CEP128: variants seen among roughly 807,000 people sequenced by gnomAD.
CEP128 encodes centrosomal protein 128kDa.
Under a neutral mutation model 156.7 loss-of-function variants are expected in CEP128, and 132 were observed. That is an observed-to-expected ratio of 0.84 (90% CI 0.73 to 0.97). The LOEUF (loss-of-function observed/expected upper bound fraction) is 0.97, where lower values mean the gene tolerates loss of function less well. Among genes scored for constraint, CEP128 ranks in the 50% least tolerant of loss-of-function variants. The pLI is 0.00. For synonymous variants in CEP128, 469 were observed against 448.9 expected (o/e 1.04, Z -0.57); for missense variants, 1,252 against 1,281.9 (o/e 0.98, Z 0.36).
At chr14:80,547,672 C>T (rs1890041915) in intron 21 of CEP128, among the ~76,000 whole-genome samples, 1 of 152,072 alleles carries the variant, frequency 6.6e-6, no homozygotes, top group African/African-American at 2.4e-5. Flanking sequence ...ATATCTCATA[C>T]ATAATATAAT....
chr14:80,610,021 C>T (rs758583859), intron 19 of CEP128, among the ~76,000 whole-genome samples: 1 of 152,080 alleles, frequency 6.6e-6, no homozygotes, highest in Admixed American at 6.6e-5. Context: ...TATGATTATG[C>T]TATGTGTGTG....
intron 19 of CEP128, among the ~76,000 whole-genome samples, chr14:80,729,505 TATAATTTC>T (rs1898183304): frequency 6.6e-6 from 1 of 152,172 alleles, no homozygotes; most frequent in African/African-American, 2.4e-5. Flanking sequence ...TCTTTTTTCA[TATAATTTC>T]ATAATCTTCA....
chr14:80,700,523 A>AC (rs373558907), intron 19 of CEP128, among the ~76,000 whole-genome samples: 112 of 150,610 alleles, frequency 7.4e-4, no homozygotes, highest in African/African-American at 1.6e-3. Context: ...TTATTCATTG[A>AC]CCCCCCCCAA....
At chr14:80,496,467 C>A (rs1887498941), downstream of CEP128, 1 of 152,604 alleles carries the variant, frequency 6.6e-6, no homozygotes, top group Non-Finnish European at 1.5e-5. Flanking sequence ...CTTTAACAAA[C>A]ACAAAATGTA....
At chr14:80,823,022 G>C (rs1885274221) in intron 13 of CEP128, among the ~76,000 whole-genome samples, 1 of 152,178 alleles carries the variant, frequency 6.6e-6, no homozygotes, top group Admixed American at 6.5e-5. Context: ...TTCTGGTTTT[G>C]AGAGACTTCC....
intron 20 of CEP128, among the ~76,000 whole-genome samples, chr14:80,562,590 A>G (rs1263405531): frequency 6.6e-6 from 1 of 151,754 alleles, no homozygotes; most frequent in Non-Finnish European, 1.5e-5. Flanking sequence ...TATATAAAAA[A>G]TTATGCTACT....
intron 8 of CEP128, among the ~76,000 whole-genome samples, chr14:80,871,967 T>G (rs1171057491): frequency 6.6e-6 from 1 of 152,160 alleles, no homozygotes; most frequent in African/African-American, 2.4e-5. Context: ...AAAGTCCACT[T>G]AAATAAATAT....
At chr14:80,534,417 C>T (rs1461223928) in intron 21 of CEP128, among the ~76,000 whole-genome samples, 1 of 152,138 alleles carries the variant, frequency 6.6e-6, no homozygotes, top group Admixed American at 6.5e-5. Flanking sequence ...CATGTTAATT[C>T]CCAGGGCAAA....
chr14:80,597,950 C>CAAAAAAAAAAAAAAAA (rs34001813), intron 19 of CEP128, among the ~76,000 whole-genome samples: 4 of 80,144 alleles, frequency 5.0e-5, no homozygotes, highest in African/African-American at 1.0e-4. Context: ...TCCTCAGCTA[C>CAAAAAAAAAAAAAAAA]AAAAAAAAAA....
intron 13 of CEP128, among the ~76,000 whole-genome samples, chr14:80,821,424 C>T (rs327453): frequency 0.012 from 1,781 of 152,184 alleles, 48 homozygotes; most frequent in African/African-American, 0.041. Flanking sequence ...GGAACATTAC[C>T]GCATTTGTTT....
chr14:80,597,948 TACA>T (rs1892405644), intron 19 of CEP128, among the ~76,000 whole-genome samples: 1 of 26,642 alleles, frequency 3.8e-5, no homozygotes, highest in Non-Finnish European at 7.0e-5. Flanking sequence ...ATTCCTCAGC[TACA>T]AAAAAAAAAA....
chr14:80,815,768 C>A (rs527432142), intron 13 of CEP128, among the ~76,000 whole-genome samples: 88 of 152,298 alleles, frequency 5.8e-4, no homozygotes, highest in African/African-American at 2.1e-3. Flanking sequence ...GAAATCATGT[C>A]TTTTGCAACA....
intron 2 of CEP128, among the ~76,000 whole-genome samples, chr14:80,954,718 C>T (rs1886563856): frequency 6.6e-6 from 1 of 152,192 alleles, no homozygotes; most frequent in South Asian, 2.1e-4. Flanking sequence ...AGGAAATAGG[C>T]ACAATCTGAT....
rs544022339 is a variant in CEP128, at chr14:80,523,817, A to G, written c.3072+3052T>C. Reference sequence around the variant, plus strand: ...ATGTCATATAATGTGTAAAGGAAGAAGTAGATTAGTAATTTCTTCTTCCTC... The same window carrying G: ...ATGTCATATAATGTGTAAAGGAAGAGGTAGATTAGTAATTTCTTCTTCCTC... On this transcript the variant is annotated intron_variant, in intron 23 of 24. Coordinates refer to ENST00000555265, the MANE Select transcript of CEP128 (RefSeq NM_152446.5). 2.0e-5 allele frequency among the ~76,000 whole-genome samples: 3 copies of G among 152,320 alleles called. No homozygotes were observed. In the East Asian group the frequency reaches 5.8e-4, roughly 29 times the overall value.
Position 80,525,394 on chromosome 14 carries a change from G to A in CEP128, c.3072+1475C>T, listed in dbSNP as rs910378716. Among the ~76,000 whole-genome samples the A allele has an allele frequency of 3.9e-5, 6 of 152,218 alleles. 1 individual carries two copies. Among genetic ancestry groups the A allele is most frequent in the South Asian group, 4.1e-4 (2 of 4,824 alleles). On this transcript the variant is annotated intron_variant, in intron 23 of 24. Coordinates refer to ENST00000555265, the MANE Select transcript of CEP128 (RefSeq NM_152446.5). ...ATGGCATAAGAAGGAAAATAATCAC[G>A]CCTATCTGAGAGGATTTCTGTGAAT...
Position 80,511,071 on chromosome 14 carries a change from T to A in CEP128, c.3073-6051A>T, listed in dbSNP as rs368338253. Among the ~76,000 whole-genome samples, 4 of 151,800 alleles carry A rather than the reference T, an allele frequency of 2.6e-5. 1 individual carries two copies. The highest frequency in any genetic ancestry group is 9.6e-5 in the African/African-American group (4 of 41,518). ...CCTGTGGGTTTTTTTTTTCCTTTTT[T>A]TTTTTTATATGTCTTCTTCTGGATT... On this transcript the variant is annotated intron_variant, in intron 23 of 24. Transcript: ENST00000555265.
At chr14:80,809,563 T>C (rs1884385183) in intron 13 of CEP128, among the ~76,000 whole-genome samples, 1 of 152,192 alleles carries the variant, frequency 6.6e-6, no homozygotes, top group South Asian at 2.1e-4. Context: ...TGGCACATTA[T>C]AGTCAAACTG....
intron 19 of CEP128, among the ~76,000 whole-genome samples, chr14:80,639,643 T>G (rs1247088935): frequency 6.6e-6 from 1 of 152,170 alleles, no homozygotes. Flanking sequence ...AATTAACACA[T>G]TATTGAAAAT....
chr14:80,706,064 G>A (rs1026280849), intron 19 of CEP128, among the ~76,000 whole-genome samples: 1 of 152,034 alleles, frequency 6.6e-6, no homozygotes. Context: ...CAAATAAGGA[G>A]TTGCAAAATA....
Sources: allele counts gnomAD v4.1 joint callset (sites outside exome capture counted in the v4.1 genomes callset), GRCh38; gene constraint gnomAD v4.1.1; transcripts MANE v1.5; gene names NCBI Gene and HGNC (gene_info 2026-07-23, HGNC 2026-07-21).